The following CORO2B variants were observed in gnomAD, a reference collection of about 807,000 sequenced individuals.
CORO2B encodes the protein coronin 2B.
In CORO2B, 26 loss-of-function variants were observed where a neutral mutation model predicts 58.8. That is an observed-to-expected ratio of 0.44 (90% CI 0.32 to 0.61). The LOEUF is 0.61. CORO2B is among the 20% of genes least tolerant of loss of function. The pLI, the probability that CORO2B is intolerant of heterozygous loss-of-function variation, is 0.04. For synonymous variants in CORO2B, 242 were observed against 253.8 expected (o/e 0.95, Z 0.44); for missense variants, 460 against 645.1 (o/e 0.71, Z 3.11).
intron 1 of CORO2B, among the ~76,000 whole-genome samples, chr15:68,594,202 A>T (rs1193869214): frequency 6.6e-6 from 1 of 152,214 alleles, no homozygotes. Context: ...TCCACCTGGC[A>T]TGGAAGGCTC....
At chr15:68,579,429 GTCA>G in intron 1 of CORO2B, 152 bp downstream of exon 1, 1 of 829,458 alleles carries the variant, frequency 1.2e-6, no homozygotes, top group Non-Finnish European at 1.5e-6. Flanking sequence ...ATCCGCTCGA[GTCA>G]CTCCGGCCCC....
the CORO2B span, among the ~76,000 whole-genome samples, chr15:68,530,067 G>A: frequency 6.6e-6 from 1 of 152,204 alleles, no homozygotes; most frequent in African/African-American, 2.4e-5. Flanking sequence ...GCTCATGCCT[G>A]TAATCCCCGC....
chr15:68,691,327 C>CAAAAAAAAAAAAAAAAAAA (rs1192260415), intron 2 of CORO2B, among the ~76,000 whole-genome samples: 3 of 9,542 alleles, frequency 3.1e-4, no homozygotes, highest in Non-Finnish European at 9.6e-4. Flanking sequence ...GACTCCGTCT[C>CAAAAAAAAAAAAAAAAAAA]AAAAAAAAAA....
chr15:68,561,157 G>GT, the CORO2B span, among the ~76,000 whole-genome samples: 3 of 152,122 alleles, frequency 2.0e-5, no homozygotes, highest in African/African-American at 7.2e-5. Flanking sequence ...CTTGAAGAGG[G>GT]TTTTTTTCCA....
chr15:68,678,173 G>A (rs1050410397), intron 2 of CORO2B, among the ~76,000 whole-genome samples: 2 of 152,208 alleles, frequency 1.3e-5, no homozygotes, highest in Non-Finnish European at 2.9e-5. Context: ...CAACACTGGC[G>A]GGGTTAGGAC....
At chr15:68,597,892 CA>C (rs1191153223) in intron 1 of CORO2B, among the ~76,000 whole-genome samples, 1 of 152,116 alleles carries the variant, frequency 6.6e-6, no homozygotes, top group South Asian at 2.1e-4. Flanking sequence ...CTGAGCTGAC[CA>C]GGGGGATCCA....
chr15:68,622,170 T>C (rs192789383), intron 1 of CORO2B, among the ~76,000 whole-genome samples: 2 of 152,332 alleles, frequency 1.3e-5, no homozygotes, highest in Admixed American at 6.5e-5. Context: ...ACTTAACCCA[T>C]AGCCAGGTTT....
intron 1 of CORO2B, among the ~76,000 whole-genome samples, chr15:68,642,136 A>G (rs1459076967): frequency 6.8e-6 from 1 of 147,640 alleles, no homozygotes; most frequent in African/African-American, 2.5e-5. Flanking sequence ...GTCTGGGTTC[A>G]AGCAATTCTC....
the CORO2B span, among the ~76,000 whole-genome samples, chr15:68,556,293 A>C: frequency 6.6e-6 from 1 of 152,202 alleles, no homozygotes; most frequent in South Asian, 2.1e-4. Context: ...GGCCAGTGGC[A>C]GGGAGTGAGT....
intron 2 of CORO2B, among the ~76,000 whole-genome samples, chr15:68,662,645 C>G (rs1309495644): frequency 6.6e-6 from 1 of 152,204 alleles, no homozygotes; most frequent in Admixed American, 6.5e-5. Context: ...CAGATACTTG[C>G]AACACTTGAG....
At chr15:68,526,620 T>C in the CORO2B span, among the ~76,000 whole-genome samples, 7 of 152,216 alleles carry the variant, frequency 4.6e-5, no homozygotes, top group African/African-American at 1.4e-4. Flanking sequence ...AAGTGTTCTT[T>C]ATAAATTCAG....
At chr15:68,661,580 A>G (rs773581138) in intron 2 of CORO2B, among the ~76,000 whole-genome samples, 2 of 152,196 alleles carry the variant, frequency 1.3e-5, no homozygotes, top group Non-Finnish European at 2.9e-5. Context: ...CATAAACCTG[A>G]CTACATTTGC....
At chr15:68,546,186 G>A in the CORO2B span, among the ~76,000 whole-genome samples, 9 of 152,284 alleles carry the variant, frequency 5.9e-5, no homozygotes, top group African/African-American at 1.9e-4. Flanking sequence ...CTGCTGTCAC[G>A]AGGTTGACCG....
At chr15:68,531,428 T>C in the CORO2B span, among the ~76,000 whole-genome samples, 11 of 150,718 alleles carry the variant, frequency 7.3e-5, no homozygotes, top group South Asian at 1.0e-3. Context: ...ACCCAGGAGA[T>C]GGAAGTTGCA....
chr15:68,625,872 T>A (rs1244592938), intron 1 of CORO2B, among the ~76,000 whole-genome samples: 1 of 151,886 alleles, frequency 6.6e-6, no homozygotes, highest in Non-Finnish European at 1.5e-5. Flanking sequence ...CCCAAAATGC[T>A]GGGATTACAG....
chr15:68,587,942 C>A (rs1357829957), intron 1 of CORO2B, among the ~76,000 whole-genome samples: 1 of 152,206 alleles, frequency 6.6e-6, no homozygotes, highest in African/African-American at 2.4e-5. Flanking sequence ...GCAGAAGACC[C>A]AGGCCTCGCT....
the CORO2B span, among the ~76,000 whole-genome samples, chr15:68,547,436 ACT>A: frequency 1.3e-5 from 2 of 152,220 alleles, no homozygotes; most frequent in East Asian, 3.9e-4. Flanking sequence ...GGCATGCACA[ACT>A]CTATCATCTA....
chr15:68,713,840 G>A, intron 5 of CORO2B, 85 bp from the exon 6 acceptor site: 1 of 872,894 alleles, frequency 1.1e-6, no homozygotes, highest in Non-Finnish European at 1.9e-6. Flanking sequence ...GGACATGGGT[G>A]TATCTTTTCG....
intron 10 of CORO2B, 32 bp downstream of exon 10, chr15:68,719,266 G>A (rs374569592): frequency 1.3e-4 from 216 of 1,608,176 alleles, no homozygotes; most frequent in Non-Finnish European, 1.8e-4. Flanking sequence ...CAGAGCACAG[G>A]CGGCTGCAGC....
Sources: allele counts gnomAD v4.1 joint callset (sites outside exome capture counted in the v4.1 genomes callset), GRCh38; gene constraint gnomAD v4.1.1; transcripts MANE v1.5; gene names NCBI Gene and HGNC (gene_info 2026-07-23, HGNC 2026-07-21).